TAOK2: variants seen among roughly 807,000 people sequenced by gnomAD.
The protein encoded by TAOK2 is TAO kinase 2, also known as serine/threonine-protein kinase TAO2.
A neutral mutation model predicts 122.5 loss-of-function variants in TAOK2; 42 were observed. That is an observed-to-expected ratio of 0.34 (90% confidence interval 0.27 to 0.44). The LOEUF (loss-of-function observed/expected upper bound fraction) is 0.44. Ranked by LOEUF, TAOK2 falls within the 20% of genes least tolerant of loss-of-function variation. TAOK2 has a pLI of 1.00. For synonymous variants in TAOK2, 704 were observed against 677.6 expected, an observed-to-expected ratio of 1.04 and a Z score of -0.61; for missense variants, 1,264 against 1,644.9, an observed-to-expected ratio of 0.77 and a Z score of 4.01.
rs751723560 is a variant in TAOK2 at position 29,977,772 on chromosome 16, C to A, written c.-1C>A. ...CACTCTCAGGGCCCCCAGGGGCCAC[C>A]ATGCCAGCTGGGGGCCGGGCCGGGA... On this transcript the variant is annotated 5_prime_UTR_variant, in exon 2 of 16. Transcript: ENST00000308893. The A allele has an allele frequency of 6.2e-7, 1 of 1,614,054 alleles. No homozygotes were observed. The highest frequency in any genetic ancestry group is 1.1e-5 in the South Asian group (1 of 91,084).
At chr16:29,991,742 A>C, downstream of TAOK2, 1 of 868,444 alleles carries the variant, frequency 1.2e-6, no homozygotes, top group African/African-American at 1.8e-5. The surrounding 1 kb of genome is among the most constrained non-coding windows in gnomAD (Gnocchi z 5.6). Flanking sequence ...GCCCAGGGCC[A>C]GCTTGGCGAT....
chr16:29,981,780 G>A, intron 9 of TAOK2, 26 bp downstream of exon 9: 3 of 1,613,474 alleles, frequency 1.9e-6, no homozygotes, highest in South Asian at 2.2e-5. Context: ...CCGAATCTGG[G>A]CCCAGGCGTT....
chr16:29,977,942 ACT>A (rs1278309109), intron 2 of TAOK2, 38 bp downstream of exon 2: 1 of 1,613,100 alleles, frequency 6.2e-7, no homozygotes, highest in East Asian at 2.2e-5. Flanking sequence ...AGGGATGGGG[ACT>A]CTTCCTATCC....
Position 29,985,642 on chromosome 16 carries a change from C to T in TAOK2, c.1789-16C>T, listed in dbSNP as rs777606144. On this transcript the variant is annotated splice_polypyrimidine_tract_variant and intron_variant, in intron 14 of 15. Coordinates refer to ENST00000308893, the MANE Select transcript of TAOK2 (RefSeq NM_016151.4). The surrounding 1 kb of genome is among the most constrained non-coding windows in gnomAD (Gnocchi z 6.9). Reference sequence around the variant, plus strand: ...CCAGGTGGGTCCTGACCCTGCTTCCCTCTGCACTCGCCCAGGAGCTCCAGG... The same window carrying T: ...CCAGGTGGGTCCTGACCCTGCTTCCTTCTGCACTCGCCCAGGAGCTCCAGG... 6 of 1,611,366 alleles carry T rather than the reference C, an allele frequency of 3.7e-6. No homozygotes were observed. The African/African-American group carries it at 6.7e-5, about 18-fold the overall frequency.
In TAOK2 at chr16:29,985,308, G is replaced by T; in HGVS notation, c.1518G>T (p.Leu506=). ...TGCGACGACAGCACCAGAAGCAGCT[G>T]CTGGCCCTGGAGTCACGGCTGAGGG... ...KRMRRQHQKQ[L]LALESRLRGE... Residue 506 remains leucine, a synonymous_variant, in exon 14 of 16, where the codon CTG becomes CTT. Coordinates refer to ENST00000308893, the MANE Select transcript of TAOK2 (RefSeq NM_016151.4). The surrounding 1 kb of genome is among the most constrained non-coding windows in gnomAD (Gnocchi z 6.9). 6.2e-7 allele frequency: 1 copy of T among 1,607,118 alleles called. No homozygotes were observed. Among genetic ancestry groups the T allele is most frequent in the Non-Finnish European group, 8.5e-7 (1 of 1,175,670 alleles).
downstream of TAOK2, chr16:29,989,693 A>G: frequency 6.2e-7 from 1 of 1,614,102 alleles, no homozygotes; most frequent in African/African-American, 1.3e-5. Flanking sequence ...ACCACGCCCA[A>G]AGCTCAGCAC....
chr16:29,988,388 G>GCGTT lies in TAOK2; in HGVS notation c.*410_*411insTTCG. The GCGTT allele has an allele frequency of 7.6e-7, 1 of 1,308,708 alleles. No homozygotes were observed. The highest frequency in any genetic ancestry group is 1.0e-6 in the Non-Finnish European group (1 of 1,002,436). 81.1% of individuals were successfully genotyped at this position (1,308,708 alleles called of 1,614,324 possible). ...AGACAAACACAAATAAAATATCTGA[G>GCGTT]CGGAACTGTGCCTTTGGCCCAGGCT... On this transcript the variant is annotated 3_prime_UTR_variant, in exon 16 of 16. Transcript: ENST00000308893.
At chr16:29,989,223 A>G, downstream of TAOK2, 2 of 984,962 alleles carry the variant, frequency 2.0e-6, no homozygotes, top group Non-Finnish European at 2.4e-6. Context: ...TTGCCTGGTC[A>G]GAGCTTCCAA....
intron 1 of TAOK2, among the ~76,000 whole-genome samples, chr16:29,977,129 T>A (rs891483189): frequency 6.6e-6 from 1 of 152,214 alleles, no homozygotes; most frequent in Non-Finnish European, 1.5e-5. Context: ...GAGGCCCTCA[T>A]AGCCAGATGC....
intron 1 of TAOK2, among the ~76,000 whole-genome samples, chr16:29,975,452 C>T (rs1158249232): frequency 6.6e-6 from 1 of 152,214 alleles, no homozygotes; most frequent in Non-Finnish European, 1.5e-5. Context: ...CATCTCTTTT[C>T]CTCTGAGTTT....
chr16:29,991,026 C>A (rs1364512249), downstream of TAOK2: 1 of 1,580,610 alleles, frequency 6.3e-7, no homozygotes, highest in East Asian at 2.2e-5. This position sits in a 1 kb window ranked among gnomAD's most constrained non-coding sequence, Gnocchi z 5.6. Context: ...CCGACTCTAA[C>A]CTCTGTTCCG....
chr16:29,975,420 C>T (rs1276453500), intron 1 of TAOK2, among the ~76,000 whole-genome samples: 1 of 152,194 alleles, frequency 6.6e-6, no homozygotes, highest in Non-Finnish European at 1.5e-5. Flanking sequence ...ACATCTTTCC[C>T]TGATGCATGC....
At chr16:29,976,940 C>T (rs1386423803) in intron 1 of TAOK2, among the ~76,000 whole-genome samples, 3 of 152,194 alleles carry the variant, frequency 2.0e-5, no homozygotes, top group Admixed American at 1.3e-4. Flanking sequence ...GAGCCTGTTT[C>T]TTTATCTGTA....
intron 10 of TAOK2, among the ~76,000 whole-genome samples, chr16:29,982,148 C>T (rs973089752): frequency 1.3e-5 from 2 of 152,188 alleles, no homozygotes; most frequent in African/African-American, 4.8e-5. Flanking sequence ...AAACTGTTTT[C>T]CCTTCTTTTA....
At position 29,987,170 on chromosome 16, in the gene TAOK2, G is replaced by A; in HGVS notation, c.2898G>A (p.Leu966=). ...SFAVGSSSGL[L]PLLLLLLLPL... ...CAGTGGGGTCCTCCTCTGGCCTCCT[G>A]CCCCTCCTGCTGCTGCTGCTGCTTC... The change falls in exon 16 of 16, where the codon CTG becomes CTA. Residue 966 remains leucine, a synonymous_variant. Transcript: ENST00000308893. The A allele has an allele frequency of 1.3e-6, 2 of 1,564,278 alleles. No homozygotes were observed. Among genetic ancestry groups the A allele is most frequent in the South Asian group, 1.2e-5 (1 of 82,052 alleles).
chr16:29,989,772 C>T (rs2069924097), downstream of TAOK2: 1 of 1,613,744 alleles, frequency 6.2e-7, no homozygotes, highest in South Asian at 1.1e-5. Flanking sequence ...AGCAGTATGA[C>T]CAGTCCATCT....
Position 29,985,634 on chromosome 16 carries a change from C to T in TAOK2, c.1789-24C>T, listed in dbSNP as rs1732097194. The T allele has an allele frequency of 1.9e-6, 3 of 1,609,774 alleles. No homozygotes were observed. The highest frequency in any genetic ancestry group is 2.5e-6 in the Non-Finnish European group (3 of 1,177,350). On this transcript the variant is annotated intron_variant, in intron 14 of 15. Coordinates refer to ENST00000308893, the MANE Select transcript of TAOK2 (RefSeq NM_016151.4). This position sits in a 1 kb window ranked among gnomAD's most constrained non-coding sequence, Gnocchi z 6.9. ...ATGGCGAGCCAGGTGGGTCCTGACC[C>T]TGCTTCCCTCTGCACTCGCCCAGGA... is the stretch of plus-strand genomic sequence containing the variant.
At chr16:29,989,532 C>T, downstream of TAOK2, 3 of 1,604,372 alleles carry the variant, frequency 1.9e-6, no homozygotes, top group Non-Finnish European at 2.6e-6. Flanking sequence ...CTTCCTCTTC[C>T]TCCTCTTCCT....
intron 8 of TAOK2, chr16:29,981,430 G>A (rs538934668): frequency 2.8e-5 from 17 of 610,536 alleles, no homozygotes; most frequent in African/African-American, 2.8e-4. Context: ...TGCTTTTGTG[G>A]ATGTTATTTT....
Sources: allele counts gnomAD v4.1 joint callset (sites outside exome capture counted in the v4.1 genomes callset), GRCh38; gene constraint gnomAD v4.1.1; non-coding constraint Gnocchi (gnomAD v3.1); transcripts MANE v1.5; gene names NCBI Gene and HGNC (gene_info 2026-07-23, HGNC 2026-07-21).